CACNG1: variants seen among roughly 807,000 people sequenced by gnomAD.
CACNG1 encodes the protein calcium voltage-gated channel auxiliary subunit gamma 1.
CACNG1 carries 21 observed loss-of-function variants against 22.0 expected under a neutral mutation model. The observed-to-expected ratio is 0.95, with a 90% confidence interval of 0.68 to 1.37. The LOEUF is 1.37. CACNG1 is among the 40% of genes most tolerant of loss of function. The pLI is 0.00. For missense variants in CACNG1, 291 were observed against 308.6 expected (o/e 0.94, Z 0.43); for synonymous variants, 127 against 129.2 (o/e 0.98, Z 0.12).
intron 1 of CACNG1, among the ~76,000 whole-genome samples, chr17:67,052,779 CTTT>C (rs923163725): frequency 7.0e-6 from 1 of 143,448 alleles, no homozygotes; most frequent in Non-Finnish European, 1.5e-5. Context: ...TAAGACTGTG[CTTT>C]TTTTTTTTTT....
intron 1 of CACNG1, among the ~76,000 whole-genome samples, chr17:67,049,945 A>G (rs2035719163): frequency 5.3e-5 from 8 of 152,180 alleles, no homozygotes. Flanking sequence ...TCTTAGAAGG[A>G]CTTCCATGTA....
At chr17:67,048,468 C>G (rs1014767277) in intron 1 of CACNG1, among the ~76,000 whole-genome samples, 1 of 152,102 alleles carries the variant, frequency 6.6e-6, no homozygotes, top group African/African-American at 2.4e-5. Context: ...GCACTCCAGC[C>G]TGGGTGACAG....
At chr17:67,045,002 C>T (rs1452876689) in intron 1 of CACNG1, 113 bp downstream of exon 1, 1 of 798,138 alleles carries the variant, frequency 1.3e-6, no homozygotes, top group Non-Finnish European at 2.0e-6. Flanking sequence ...AATAGGGCAG[C>T]CGCCCAGCCT....
intron 1 of CACNG1, among the ~76,000 whole-genome samples, chr17:67,048,041 C>T (rs2035706965): frequency 6.6e-6 from 1 of 152,170 alleles, no homozygotes. Flanking sequence ...GCTAATTGAA[C>T]AGGGATCTCA....
At chr17:67,053,972 C>T (rs1187648675) in intron 1 of CACNG1, 24 bp from the exon 2 acceptor site, 2 of 1,602,326 alleles carry the variant, frequency 1.2e-6, no homozygotes, top group Non-Finnish European at 1.7e-6. Flanking sequence ...CCCCTCAACT[C>T]ACAGTCTGTC....
rs2035755192 is a variant in CACNG1, at chr17:67,055,304, C to T, written c.442+64C>T. 6.5e-7 allele frequency: 1 copy of T among 1,540,750 alleles called. No individual in the cohort carries two copies. On this transcript the variant is annotated intron_variant, in intron 3 of 3. Coordinates refer to ENST00000226021, the MANE Select transcript of CACNG1 (RefSeq NM_000727.4). This position sits in a 1 kb window ranked among gnomAD's most constrained non-coding sequence, Gnocchi z 4.5. ...ACCATGTCGCGGGGGATTCTCCGCT[C>T]CACCCTCATGCCCACCGCGAGATTT...
chr17:67,054,853 A>G lies in CACNG1; in HGVS notation c.305-250A>G, dbSNP rs1005106487. Among the ~76,000 whole-genome samples, 8 of 151,522 alleles carry G rather than the reference A, an allele frequency of 5.3e-5. No individual in the cohort carries two copies. The highest frequency in any genetic ancestry group is 1.2e-4 in the Non-Finnish European group (8 of 67,838). ...AGACACACACTGACACACACGTACA[A>G]TGACAGACACAGAGACACACACTGA... On this transcript the variant is annotated intron_variant, in intron 2 of 3. Transcript: ENST00000226021. This position sits in a 1 kb window ranked among gnomAD's most constrained non-coding sequence, Gnocchi z 4.6.
Position 67,044,704 on chromosome 17 carries a change from G to C in CACNG1, c.44G>C (p.Cys15Ser). Residue 15 changes from cysteine (C) to serine (S), a missense_variant, in exon 1 of 4, where the codon TGC (cysteine) becomes TCC (serine). Cys to Ser is a moderately radical substitution (Grantham distance 112). Transcript: ENST00000226021. This position sits in a 1 kb window ranked among gnomAD's most constrained non-coding sequence, Gnocchi z 6.9. ...CTGAAGGTCCGCGTGACCCTCTTCT[G>C]CATCCTGGCAGGCATCGTGCTGGCC... is the stretch of plus-strand genomic sequence containing the variant. The part of the protein sequence containing the change: ...KMLKVRVTLF[C>S]ILAGIVLAMT... 6.2e-7 allele frequency: 1 copy of C among 1,610,992 alleles called. No homozygotes were observed. Among genetic ancestry groups the C allele is most frequent in the East Asian group, 2.2e-5 (1 of 44,858 alleles).
In CACNG1 at chr17:67,055,630, G is replaced by A. The variant is rs1279179239; in HGVS notation, c.442+390G>A. On this transcript the variant is annotated intron_variant, in intron 3 of 3. Transcript: ENST00000226021. This position sits in a 1 kb window ranked among gnomAD's most constrained non-coding sequence, Gnocchi z 4.5. ...GCAGCCTCGAACTCCTGGGTTCAAG[G>A]GTTCCTCCCGCCCCAGCCTCCTAGT... Among the ~76,000 whole-genome samples the A allele has an allele frequency of 6.6e-6, 1 of 152,096 alleles. No homozygotes were observed.
At chr17:67,045,320 G>A (rs972351550) in intron 1 of CACNG1, among the ~76,000 whole-genome samples, 1 of 152,182 alleles carries the variant, frequency 6.6e-6, no homozygotes, top group Non-Finnish European at 1.5e-5. Context: ...GAGAGCATAG[G>A]CGATGGAATT....
chr17:67,056,375 C>A lies in CACNG1; in HGVS notation c.*104C>A. 1.1e-6 allele frequency: 1 copy of A among 920,016 alleles called. No homozygotes were observed. Among genetic ancestry groups the A allele is most frequent in the Non-Finnish European group, 1.7e-6 (1 of 593,456 alleles). 57.0% of individuals were successfully genotyped at this position (920,016 alleles called of 1,614,324 possible). On this transcript the variant is annotated 3_prime_UTR_variant, in exon 4 of 4. Transcript: ENST00000226021. This position sits in a 1 kb window ranked among gnomAD's most constrained non-coding sequence, Gnocchi z 4.3. ...CGGGAGCAATTTTAGCCCCACCCTG[C>A]TCCCATCTGCCCCCCTGCAACAGTC...
chr17:67,046,859 G>A (rs560933568), intron 1 of CACNG1, among the ~76,000 whole-genome samples: 21 of 152,344 alleles, frequency 1.4e-4, no homozygotes, highest in African/African-American at 4.6e-4. Flanking sequence ...GGGGCCAACA[G>A]GCATTGCTTG....
At position 67,056,757 on chromosome 17, in the gene CACNG1, T is replaced by C; in HGVS notation, c.*486T>C. 6.3e-6 allele frequency: 1 copy of C among 158,222 alleles called. No homozygotes were observed. Among genetic ancestry groups the C allele is most frequent in the South Asian group, 1.9e-4 (1 of 5,290 alleles). The allele number at this position is 158,222 out of a possible 1,614,324, so 9.8% of individuals were successfully genotyped here. On this transcript the variant is annotated 3_prime_UTR_variant, in exon 4 of 4. Coordinates refer to ENST00000226021, the MANE Select transcript of CACNG1 (RefSeq NM_000727.4). The surrounding 1 kb of genome is among the most constrained non-coding windows in gnomAD (Gnocchi z 4.3). Reference sequence around the variant, plus strand: ...GCCCTGGGAAGCATTTTTAACTGGGTAGAATCTGACTGTGGCTTGAAATAA... The same window carrying C: ...GCCCTGGGAAGCATTTTTAACTGGGCAGAATCTGACTGTGGCTTGAAATAA...
At chr17:67,052,995 T>C (rs1401902709) in intron 1 of CACNG1, among the ~76,000 whole-genome samples, 5 of 152,110 alleles carry the variant, frequency 3.3e-5, no homozygotes, top group Non-Finnish European at 7.4e-5. Context: ...AAGAGAAAAA[T>C]GGAAATGAAA....
chr17:67,056,193 C>T lies in CACNG1; in HGVS notation c.591C>T (p.Leu197=), dbSNP rs762591486. The T allele has an allele frequency of 6.8e-6, 11 of 1,613,870 alleles. No homozygotes were observed. The highest frequency in any genetic ancestry group is 4.5e-5 in the East Asian group (2 of 44,868). ...TCATCCTCCTCTTTCTCGGCGGTCT[C>T]GCCCTCCTGCTGTTCTCCCTGCCTC... ...AAFILLFLGG[L]ALLLFSLPRM... is the part of the protein sequence containing the mutation. Residue 197 remains leucine (L), a synonymous_variant, in exon 4 of 4, where the codon CTC becomes CTT. Transcript: ENST00000226021. This position sits in a 1 kb window ranked among gnomAD's most constrained non-coding sequence, Gnocchi z 4.3.
Position 67,056,240 on chromosome 17 carries a change from A to C in CACNG1, c.638A>C (p.Glu213Ala), listed in dbSNP as rs146071095. The change falls in exon 4 of 4, where the codon GAG (glutamate) becomes GCG (alanine). Residue 213 changes from glutamate (E) to alanine (A), a missense_variant. Physicochemically the swap from Glu to Ala is moderately radical, Grantham distance 107 (BLOSUM62 -1). Coordinates refer to ENST00000226021, the MANE Select transcript of CACNG1 (RefSeq NM_000727.4). This position sits in a 1 kb window ranked among gnomAD's most constrained non-coding sequence, Gnocchi z 4.3. ...SLPRMPRNPW[E>A]SCMDAEPEH The stretch of plus-strand genomic sequence containing the variant: ...CCTCGAATGCCCCGGAACCCATGGG[A>C]GTCCTGCATGGATGCTGAGCCCGAG... 3.6e-4 allele frequency: 587 copies of C among 1,613,650 alleles called. No homozygotes were observed. The highest frequency in any genetic ancestry group is 4.8e-4 in the Non-Finnish European group (571 of 1,179,914).
At chr17:67,045,383 A>C (rs1460249076) in intron 1 of CACNG1, among the ~76,000 whole-genome samples, 1 of 152,198 alleles carries the variant, frequency 6.6e-6, no homozygotes. Context: ...CAAATTACCA[A>C]GGATTTCAAG....
intron 1 of CACNG1, among the ~76,000 whole-genome samples, chr17:67,048,300 G>A (rs1321649322): frequency 8.5e-6 from 1 of 117,728 alleles, no homozygotes; most frequent in African/African-American, 3.4e-5. Flanking sequence ...GCAAGACCCT[G>A]TCCCTACCAA....
rs966960852 is a variant in CACNG1 at position 67,056,384 on chromosome 17, G to GC, written c.*119dup. On this transcript the variant is annotated 3_prime_UTR_variant, in exon 4 of 4. Coordinates refer to ENST00000226021, the MANE Select transcript of CACNG1 (RefSeq NM_000727.4). This position sits in a 1 kb window ranked among gnomAD's most constrained non-coding sequence, Gnocchi z 4.3. ...TTTTAGCCCCACCCTGCTCCCATCT[G>GC]CCCCCCTGCAACAGTCGCAGGCTGC... is the stretch of plus-strand genomic sequence containing the variant. The GC allele has an allele frequency of 4.7e-6, 4 of 847,950 alleles. No homozygotes were observed. Among genetic ancestry groups the GC allele is most frequent in the Non-Finnish European group, 5.6e-6 (3 of 537,858 alleles). 52.5% of individuals were successfully genotyped at this position (847,950 alleles called of 1,614,324 possible).
Sources: allele counts gnomAD v4.1 joint callset (sites outside exome capture counted in the v4.1 genomes callset), GRCh38; gene constraint gnomAD v4.1.1; non-coding constraint Gnocchi (gnomAD v3.1); transcripts MANE v1.5; gene names NCBI Gene and HGNC (gene_info 2026-07-23, HGNC 2026-07-21).